PRKD1: variants seen among roughly 807,000 people sequenced by gnomAD.
The protein encoded by PRKD1 is protein kinase D1, also known as serine/threonine-protein kinase D1.
In PRKD1, 63 loss-of-function variants were observed where a neutral mutation model predicts 95.9. The ratio of observed to expected loss-of-function variants is 0.66; its 90% CI spans 0.54 to 0.81. PRKD1 has a LOEUF of 0.81. PRKD1 is among the 30% of genes least tolerant of loss of function. The pLI is 0.00. For synonymous variants in PRKD1, 425 were observed against 423.1 expected (o/e 1.00, Z -0.05); for missense variants, 1,048 against 1,165.3 (o/e 0.90, Z 1.47).
At chr14:29,708,845 A>G (rs576093537) in intron 2 of PRKD1, among the ~76,000 whole-genome samples, 1 of 152,330 alleles carries the variant, frequency 6.6e-6, no homozygotes, top group East Asian at 1.9e-4. Context: ...CCTGGGTGAC[A>G]GAGCAAGTCC....
At chr14:29,776,495 C>T (rs1407108885) in intron 1 of PRKD1, among the ~76,000 whole-genome samples, 1 of 152,098 alleles carries the variant, frequency 6.6e-6, no homozygotes, top group Non-Finnish European at 1.5e-5. Context: ...CTACGGGACG[C>T]ATGCACAAGC....
At chr14:29,666,029 A>G in intron 3 of PRKD1, 48 bp downstream of exon 3, 1 of 1,524,256 alleles carries the variant, frequency 6.6e-7, no homozygotes, top group Non-Finnish European at 8.9e-7. Flanking sequence ...TGCGATAAAC[A>G]CAGGAGAACA....
intron 1 of PRKD1, among the ~76,000 whole-genome samples, chr14:29,910,367 A>G (rs1566667366): frequency 6.6e-6 from 1 of 152,154 alleles, no homozygotes; most frequent in African/African-American, 2.4e-5. Context: ...ACGTCCGAAC[A>G]TCAGAAGGAA....
intron 16 of PRKD1, among the ~76,000 whole-genome samples, chr14:29,584,028 G>A (rs1892833768): frequency 6.6e-6 from 1 of 152,092 alleles, no homozygotes. Flanking sequence ...GCAGCTATTA[G>A]GATAGCCGAA....
In PRKD1 at chr14:29,597,556, T is replaced by A. The variant is rs767231258; in HGVS notation, c.2369A>T (p.His790Leu). ...GAAAGCTGCATTCTGAATTTGGTCG[T>A]GTATGTCTTCATCTTCATTAAATGG... ...TFPFNEDEDI[H>L]DQIQNAAFMY... is the part of the protein sequence containing the mutation. The change falls in exon 16 of 18, where the codon CAC (histidine) becomes CTC (leucine). Residue 790 changes from histidine (H) to leucine (L), a missense_variant. Around this residue, in one of 3 missense-constraint regions of PRKD1, gnomAD observed 739 missense variants for 861.9 expected, o/e 0.86. Transcript: ENST00000331968. 4.2e-5 allele frequency: 68 copies of A among 1,613,866 alleles called. No homozygotes were observed. The highest frequency in any genetic ancestry group is 5.7e-5 in the Non-Finnish European group (67 of 1,179,898).
intron 16 of PRKD1, among the ~76,000 whole-genome samples, chr14:29,594,338 C>T (rs910412423): frequency 2.0e-5 from 3 of 152,148 alleles, no homozygotes; most frequent in African/African-American, 7.2e-5. Context: ...TCCTGCACAT[C>T]GTTTTTAAAA....
chr14:29,857,527 A>G (rs566820872), intron 1 of PRKD1, among the ~76,000 whole-genome samples: 1 of 152,314 alleles, frequency 6.6e-6, no homozygotes, highest in Non-Finnish European at 1.5e-5. Context: ...GGATTTTCAC[A>G]TAGCTTTTTC....
At chr14:29,648,438 G>A (rs1226159733) in intron 4 of PRKD1, among the ~76,000 whole-genome samples, 2 of 152,026 alleles carry the variant, frequency 1.3e-5, no homozygotes, top group Non-Finnish European at 2.9e-5. Flanking sequence ...AGAGGCAGGA[G>A]GCAAGGGAGA....
intron 1 of PRKD1, among the ~76,000 whole-genome samples, chr14:29,841,657 A>G (rs2139317643): frequency 1.3e-5 from 2 of 151,486 alleles, no homozygotes; most frequent in African/African-American, 4.8e-5. Flanking sequence ...AGTCCATTAA[A>G]CCTCTGTTTC....
At chr14:29,893,089 T>C (rs1404509313) in intron 1 of PRKD1, among the ~76,000 whole-genome samples, 1 of 152,184 alleles carries the variant, frequency 6.6e-6, no homozygotes, top group Non-Finnish European at 1.5e-5. Flanking sequence ...CAATTCAAAC[T>C]TTTCTAAATG....
At position 29,649,605 on chromosome 14, in the gene PRKD1, G is replaced by C. The variant is rs1231014198; in HGVS notation, c.697-10701C>G. Among the ~76,000 whole-genome samples, 4 of 151,998 alleles carry C rather than the reference G, an allele frequency of 2.6e-5. No individual in the cohort carries two copies. The South Asian group carries it at 6.2e-4, about 24-fold the overall frequency. ...GAAATTTGGTTTGAATGTCTAGACT[G>C]TTTTTTGACTTTGGTTATTACCTTA... is the stretch of plus-strand genomic sequence containing the variant. On this transcript the variant is annotated intron_variant, in intron 4 of 17. Transcript: ENST00000331968.
At chr14:29,785,890 A>C (rs188803378) in intron 1 of PRKD1, among the ~76,000 whole-genome samples, 3 of 151,596 alleles carry the variant, frequency 2.0e-5, no homozygotes, top group South Asian at 2.1e-4. Flanking sequence ...AAAAAAAAAA[A>C]AGGAAAGTGG....
At chr14:29,703,118 C>T (rs983919976) in intron 2 of PRKD1, among the ~76,000 whole-genome samples, 4 of 151,966 alleles carry the variant, frequency 2.6e-5, no homozygotes, top group Admixed American at 1.3e-4. Context: ...TTTGTCTATG[C>T]CTTCCTCTCA....
chr14:29,829,906 G>A (rs1048432076), intron 1 of PRKD1, among the ~76,000 whole-genome samples: 1 of 151,982 alleles, frequency 6.6e-6, no homozygotes, highest in African/African-American at 2.4e-5. Flanking sequence ...TTTCCTCTAC[G>A]CTGACAGATT....
chr14:29,684,665 A>G (rs1220512512), intron 2 of PRKD1, among the ~76,000 whole-genome samples: 1 of 152,194 alleles, frequency 6.6e-6, no homozygotes, highest in Non-Finnish European at 1.5e-5. Context: ...TTACCAAGAT[A>G]ATTCTAAGAC....
At chr14:29,613,092 T>C (rs8013008) in intron 13 of PRKD1, among the ~76,000 whole-genome samples, 146,639 of 152,070 alleles carry the variant, frequency 0.96, 70,751 homozygotes, top group Non-Finnish European at 0.98. Flanking sequence ...AGCGAGACTC[T>C]GTCTCAAAAA....
intron 4 of PRKD1, among the ~76,000 whole-genome samples, chr14:29,642,455 C>G (rs986877237): frequency 6.6e-6 from 1 of 152,040 alleles, no homozygotes; most frequent in Non-Finnish European, 1.5e-5. Context: ...GGAAATGATA[C>G]TTTTAAAAAA....
At chr14:29,837,413 T>G (rs1437512407) in intron 1 of PRKD1, among the ~76,000 whole-genome samples, 2 of 152,178 alleles carry the variant, frequency 1.3e-5, no homozygotes. Context: ...CCATTAGCAC[T>G]ATGATTGTTT....
At chr14:29,586,556 CCAAAT>C (rs1234568053) in intron 16 of PRKD1, among the ~76,000 whole-genome samples, 1 of 151,994 alleles carries the variant, frequency 6.6e-6, no homozygotes, top group Non-Finnish European at 1.5e-5. Context: ...TTTCTTATCC[CCAAAT>C]CAAATATTAT....
Sources: allele counts gnomAD v4.1 joint callset (sites outside exome capture counted in the v4.1 genomes callset), GRCh38; gene constraint gnomAD v4.1.1; regional missense constraint gnomAD v4.1.1; transcripts MANE v1.5; gene names NCBI Gene and HGNC (gene_info 2026-07-23, HGNC 2026-07-21).